CAPN13: variants seen among roughly 807,000 people sequenced by gnomAD.
CAPN13 encodes calpain 13.
CAPN13 carries 90 observed loss-of-function variants against 98.4 expected under a neutral mutation model. That is an observed-to-expected ratio of 0.92 (90% CI 0.77 to 1.09). The LOEUF is 1.09. Among genes scored for constraint, CAPN13 ranks in the 50% least tolerant of loss-of-function variants. CAPN13 has a pLI of 0.00. For missense variants in CAPN13, 887 were observed against 841.3 expected, an observed-to-expected ratio of 1.05 and a Z score of -0.67; for synonymous variants, 330 against 305.5, an observed-to-expected ratio of 1.08 and a Z score of -0.84.
At chr2:30,771,373 T>C (rs948965708) in intron 4 of CAPN13, among the ~76,000 whole-genome samples, 1 of 152,230 alleles carries the variant, frequency 6.6e-6, no homozygotes, top group Non-Finnish European at 1.5e-5. Context: ...TTTCCACATC[T>C]GGATGTCCCA....
At position 30,777,350 on chromosome 2, in the gene CAPN13, G is replaced by A. The variant is rs115361495; in HGVS notation, c.271+217C>T. Among the ~76,000 whole-genome samples the A allele has an allele frequency of 4.5e-3, 690 of 152,326 alleles. 6 individuals are homozygous for A. The highest frequency in any genetic ancestry group is 0.015 in the African/African-American group (644 of 41,564). On this transcript the variant is annotated intron_variant, in intron 3 of 22. Transcript: ENST00000295055. ...GTTGCACACACAAGGTATCTTGCAC[G>A]GTCATTGCAGAAACTCAGTGTATGT...
At chr2:30,745,148 T>C (rs7567387) in intron 12 of CAPN13, 21,978 of 468,538 alleles carry the variant, frequency 0.047, 2,861 homozygotes, top group African/African-American at 0.33. Flanking sequence ...CTCTCAGCCA[T>C]GGGCAGAGAG....
At chr2:30,795,332 G>A (rs1674797781) in intron 1 of CAPN13, among the ~76,000 whole-genome samples, 1 of 152,090 alleles carries the variant, frequency 6.6e-6, no homozygotes, top group Non-Finnish European at 1.5e-5. Context: ...ACGTCACTAA[G>A]TATGCCAAAT....
intron 12 of CAPN13, among the ~76,000 whole-genome samples, chr2:30,744,384 G>A (rs912919130): frequency 6.6e-6 from 1 of 152,198 alleles, no homozygotes; most frequent in Non-Finnish European, 1.5e-5. Flanking sequence ...CATCTCCAAC[G>A]CGATTCTGCT....
chr2:30,764,282 C>T lies in CAPN13; in HGVS notation c.549G>A (p.Leu183=). The T allele has an allele frequency of 6.2e-7, 1 of 1,613,800 alleles. No individual in the cohort carries two copies. Among genetic ancestry groups the T allele is most frequent in the Non-Finnish European group, 8.5e-7 (1 of 1,179,830 alleles). Residue 183 remains leucine (L), a synonymous_variant, in exon 6 of 23, where the codon CTG becomes CTA. Coordinates refer to ENST00000295055, the MANE Select transcript of CAPN13 (RefSeq NM_144575.3). ...YAKLLGSYSD[L]HYGFLEDALV... ...GGGCATCCTCGAGGAAGCCATAGTG[C>T]AGATCGGAATAGGATCCGAGCAGCC...
intron 2 of CAPN13, among the ~76,000 whole-genome samples, chr2:30,782,502 C>T (rs1674036513): frequency 6.6e-6 from 1 of 152,224 alleles, no homozygotes; most frequent in Admixed American, 6.5e-5. Context: ...CTAACCTGCA[C>T]TTACAACTTT....
intron 8 of CAPN13, among the ~76,000 whole-genome samples, chr2:30,757,714 G>A (rs1468748477): frequency 6.6e-6 from 1 of 152,134 alleles, no homozygotes; most frequent in Non-Finnish European, 1.5e-5. Context: ...CTTGCCTCCC[G>A]CCACTTTTAC....
chr2:30,734,421 C>G, intron 19 of CAPN13, 28 bp downstream of exon 19: 1 of 1,591,456 alleles, frequency 6.3e-7, no homozygotes, highest in Non-Finnish European at 8.6e-7. Flanking sequence ...GGACCTTGGG[C>G]ACCACAGCTC....
chr2:30,762,682 A>G (rs1385136919), intron 7 of CAPN13, among the ~76,000 whole-genome samples: 2 of 152,188 alleles, frequency 1.3e-5, no homozygotes, highest in Non-Finnish European at 2.9e-5. Flanking sequence ...TTAAGACCCT[A>G]TATTTTGGAG....
At chr2:30,726,063 C>T (rs923341421) in intron 22 of CAPN13, among the ~76,000 whole-genome samples, 1 of 152,122 alleles carries the variant, frequency 6.6e-6, no homozygotes, top group African/African-American at 2.4e-5. Context: ...TGATTTATTT[C>T]GGTTATTTGG....
intron 18 of CAPN13, 119 bp downstream of exon 18, chr2:30,736,384 G>A (rs1671365376): frequency 2.1e-6 from 2 of 958,012 alleles, no homozygotes; most frequent in East Asian, 2.5e-5. Flanking sequence ...CTCCTTGAGG[G>A]CAGGGGTGAG....
chr2:30,728,923 A>G (rs1415433376), intron 22 of CAPN13, among the ~76,000 whole-genome samples: 2 of 152,224 alleles, frequency 1.3e-5, no homozygotes, highest in Admixed American at 6.5e-5. Context: ...CTCTTCCATG[A>G]AATTTGGTTG....
chr2:30,733,719 G>A (rs995437999), intron 19 of CAPN13, among the ~76,000 whole-genome samples: 1 of 152,144 alleles, frequency 6.6e-6, no homozygotes, highest in Non-Finnish European at 1.5e-5. Flanking sequence ...CCTGTCTCCA[G>A]GCCAGGATCC....
intron 5 of CAPN13, among the ~76,000 whole-genome samples, chr2:30,766,914 T>G (rs948556181): frequency 6.6e-6 from 1 of 152,238 alleles, no homozygotes; most frequent in African/African-American, 2.4e-5. Context: ...AGAGTCCATG[T>G]GTTCACTGGG....
intron 4 of CAPN13, among the ~76,000 whole-genome samples, chr2:30,771,003 A>G (rs1673379950): frequency 6.6e-6 from 1 of 152,164 alleles, no homozygotes; most frequent in Non-Finnish European, 1.5e-5. Context: ...AGGAGGACCG[A>G]GCAGTGACAG....
intron 19 of CAPN13, 63 bp from the exon 20 acceptor site, chr2:30,732,629 C>T (rs1480876121): frequency 8.4e-6 from 13 of 1,553,596 alleles, no homozygotes; most frequent in Non-Finnish European, 1.1e-5. Context: ...CTCTGCCTCT[C>T]AGGGTCTGAG....
intron 19 of CAPN13, 64 bp downstream of exon 19, chr2:30,734,385 G>A (rs1251273387): frequency 8.0e-7 from 1 of 1,253,504 alleles, no homozygotes; most frequent in East Asian, 2.3e-5. Context: ...CTTGCTACTA[G>A]GGGTGTGGGC....
At chr2:30,742,382 GA>G in intron 13 of CAPN13, 23 bp from the exon 14 acceptor site, 1 of 1,599,054 alleles carries the variant, frequency 6.3e-7, no homozygotes. Flanking sequence ...AGGACAGTGT[GA>G]CAAAGATGAC....
chr2:30,729,330 C>T (rs75709817), intron 22 of CAPN13, among the ~76,000 whole-genome samples: 2 of 152,146 alleles, frequency 1.3e-5, no homozygotes, highest in South Asian at 2.1e-4. Context: ...GAAGTAAACA[C>T]GACAATGCCT....
Sources: gnomAD v4.1 joint callset for allele counts (sites outside exome capture counted in the v4.1 genomes callset) on GRCh38, gnomAD v4.1.1 for gene constraint, MANE v1.5 for transcripts, NCBI Gene and HGNC (gene_info 2026-07-23, HGNC 2026-07-21) for gene names.